The following OPTN variants were observed in gnomAD, a reference collection of about 807,000 sequenced individuals.
OPTN encodes optineurin, also known as E3-14.7K-interacting protein.
Under a neutral mutation model 70.4 loss-of-function variants are expected in OPTN, and 54 were observed. The ratio of observed to expected loss-of-function variants is 0.77; its 90% CI spans 0.62 to 0.96. OPTN has a LOEUF of 0.96. Among genes scored for constraint, OPTN ranks in the 40% least tolerant of loss-of-function variants. The probability of loss-of-function intolerance (pLI) is 0.00; values close to 1 mark genes in which losing one functional copy is unlikely to be tolerated. For missense variants in OPTN, 624 were observed against 673.2 expected, an observed-to-expected ratio of 0.93 and a Z score of 0.81; for synonymous variants, 256 against 248.5, an observed-to-expected ratio of 1.03 and a Z score of -0.28.
At chr10:13,115,400 A>G (rs1349698316) in intron 5 of OPTN, among the ~76,000 whole-genome samples, 1 of 107,410 alleles carries the variant, frequency 9.3e-6, no homozygotes, top group South Asian at 2.8e-4. Context: ...TAATAGATAT[A>G]TCTGTATTTA....
intron 2 of OPTN, 75 bp from the exon 3 acceptor site, chr10:13,109,037 T>G: frequency 1.5e-6 from 2 of 1,346,678 alleles, no homozygotes; most frequent in South Asian, 1.2e-5. Context: ...CAATCGCCAA[T>G]GGGTTTGTGG....
At chr10:13,125,684 T>A in intron 10 of OPTN, 117 bp downstream of exon 10, 2 of 1,250,504 alleles carry the variant, frequency 1.6e-6, no homozygotes, top group Non-Finnish European at 2.3e-6. Context: ...TTCACTTATC[T>A]GAAGGAGTCC....
At chr10:13,106,732 A>G (rs556520992) in intron 1 of OPTN, among the ~76,000 whole-genome samples, 1 of 152,212 alleles carries the variant, frequency 6.6e-6, no homozygotes, top group Non-Finnish European at 1.5e-5. Context: ...CAAGGACGCA[A>G]CACCACAGTG....
At chr10:13,104,791 C>T (rs1417321680) in intron 1 of OPTN, 7 of 540,258 alleles carry the variant, frequency 1.3e-5, no homozygotes, top group Non-Finnish European at 2.4e-5. Context: ...CTGGTTAGAA[C>T]ATGATGCTAT....
chr10:13,116,678 C>G (rs1051503356), intron 6 of OPTN: 10 of 380,794 alleles, frequency 2.6e-5, no homozygotes, highest in Non-Finnish European at 5.0e-5. Context: ...TCCCCGGTGC[C>G]ATTTGACCCA....
chr10:13,106,920 G>A (rs574494845), intron 1 of OPTN, among the ~76,000 whole-genome samples: 3 of 152,260 alleles, frequency 2.0e-5, no homozygotes, highest in African/African-American at 7.2e-5. Context: ...AGTGGCTGAT[G>A]GATCTCATTG....
At chr10:13,126,319 C>T (rs1053395303) in intron 11 of OPTN, among the ~76,000 whole-genome samples, 3 of 143,094 alleles carry the variant, frequency 2.1e-5, no homozygotes, top group African/African-American at 5.6e-5. Flanking sequence ...CTCGCTCTGT[C>T]GCCCAGGCTG....
At position 13,137,457 on chromosome 10, in the gene OPTN, C is replaced by T. The variant is rs1833724214; in HGVS notation, c.*591C>T. 8.6e-6 allele frequency: 2 copies of T among 231,590 alleles called. No homozygotes were observed. The highest frequency in any genetic ancestry group is 1.7e-5 in the Non-Finnish European group (2 of 116,674). 14.3% of individuals were successfully genotyped at this position (231,590 alleles called of 1,614,324 possible). On this transcript the variant is annotated 3_prime_UTR_variant, in exon 15 of 15. Coordinates refer to ENST00000378747, the MANE Select transcript of OPTN (RefSeq NM_001008212.2). ...TGTTTGGTTGATGCGAGCAGCTGCA[C>T]TGCTCATGCAGTTAGCTAGCATGTG...
Position 13,112,474 on chromosome 10 carries a change from C to T in OPTN, c.391C>T (p.Leu131Phe). ...CCAGGACCCCACTGATGACTCCAGGCTTCCCAGGGCCGAAGCGGAGCAGGA... is the reference window on the plus strand; with the variant it reads ...CCAGGACCCCACTGATGACTCCAGGTTTCCCAGGGCCGAAGCGGAGCAGGA... ...SSEDPTDDSR[L>F]PRAEAEQEKD... Residue 131 changes from leucine to phenylalanine, a missense_variant, in exon 5 of 15, where the codon CTT becomes TTT. Physicochemically the swap from Leu to Phe is conservative, Grantham distance 22. Transcript: ENST00000378747. The T allele has an allele frequency of 6.2e-7, 1 of 1,614,026 alleles. No homozygotes were observed. The highest frequency in any genetic ancestry group is 8.5e-7 in the Non-Finnish European group (1 of 1,180,020).
chr10:13,112,693 T>C (rs1266582417), intron 5 of OPTN, 58 bp downstream of exon 5: 22 of 1,513,876 alleles, frequency 1.5e-5, no homozygotes, highest in Non-Finnish European at 2.0e-5. Context: ...CCTGGAAAGA[T>C]GAAACAAATA....
In OPTN at chr10:13,124,429, T is replaced by G. The variant is rs7072394; in HGVS notation, c.998+319T>G. 0.023 allele frequency among the ~76,000 whole-genome samples: 3,428 copies of G among 152,256 alleles called. 112 individuals are homozygous for G. Among genetic ancestry groups the G allele is most frequent in the African/African-American group, 0.077 (3,205 of 41,546 alleles). On this transcript the variant is annotated intron_variant, in intron 9 of 14. Transcript: ENST00000378747. ...CTGACTTAAGCTGATGACATTGATGTGAGTAAGCATAAAGAAAGATGAAAA... is the reference window on the plus strand; with the variant it reads ...CTGACTTAAGCTGATGACATTGATGGGAGTAAGCATAAAGAAAGATGAAAA...
chr10:13,136,715 A>G, intron 14 of OPTN, 30 bp from the exon 15 acceptor site: 1 of 1,613,760 alleles, frequency 6.2e-7, no homozygotes, highest in Non-Finnish European at 8.5e-7. Flanking sequence ...TGCAAAATGG[A>G]ACTAATGGAA....
chr10:13,126,283 C>CCTTTTTTTTTT lies in OPTN; in HGVS notation c.1242+244_1242+245insCTTTTTTTTTT, dbSNP rs771767144. On this transcript the variant is annotated intron_variant, in intron 11 of 14. Transcript: ENST00000378747. ...GTCAGGGATTAAGCACTTCGTATTT[C>CCTTTTTTTTTT]TTTTTTTTTTTTTTTGAGACGGAGT... Among the ~76,000 whole-genome samples, 1,032 of 138,860 alleles carry CCTTTTTTTTTT rather than the reference C, an allele frequency of 7.4e-3. 52 individuals carry two copies. The highest frequency in any genetic ancestry group is 0.027 in the African/African-American group (979 of 36,542). 91.1% of individuals were successfully genotyped at this position (138,860 alleles called of 152,430 possible). A position where few individuals can be genotyped will look rare whatever the true frequency, so the allele number is the denominator to read the frequency against.
In OPTN at chr10:13,137,025, A is replaced by G. The variant is rs1206102670; in HGVS notation, c.*159A>G. ...CCGGGCACAGTGGCTCATGCCTGTA[A>G]TCCCAGCACTTTGGGAGGTCGAGGT... is the stretch of plus-strand genomic sequence containing the variant. On this transcript the variant is annotated 3_prime_UTR_variant, in exon 15 of 15. Transcript: ENST00000378747. 6 of 913,378 alleles carry G rather than the reference A, an allele frequency of 6.6e-6. No individual in the cohort carries two copies. The highest frequency in any genetic ancestry group is 5.5e-5 in the Admixed American group (3 of 54,128). The allele number at this position is 913,378 out of a possible 1,614,324, so 56.6% of individuals were successfully genotyped here.
chr10:13,131,622 C>T (rs1302756756), intron 12 of OPTN: 4 of 167,340 alleles, frequency 2.4e-5, no homozygotes, highest in Non-Finnish European at 3.9e-5. Flanking sequence ...GGACCTCACA[C>T]ATGTTTGGAA....
chr10:13,100,471 G>A (rs1264225078), intron 1 of OPTN, among the ~76,000 whole-genome samples, 169 bp downstream of exon 1: 1 of 152,226 alleles, frequency 6.6e-6, no homozygotes, highest in Non-Finnish European at 1.5e-5. Context: ...CGGCTGCCCT[G>A]GGAGGATCCC....
In OPTN at chr10:13,133,547, T is replaced by C. The variant is rs1164295979; in HGVS notation, c.1578T>C (p.Ser526=). 1 of 1,614,016 alleles carries C rather than the reference T, an allele frequency of 6.2e-7. No individual in the cohort carries two copies. Among genetic ancestry groups the C allele is most frequent in the African/African-American group, 1.3e-5 (1 of 74,906 alleles). The change falls in exon 14 of 15, where the codon AGT becomes AGC. Residue 526 remains serine (S), a synonymous_variant. Transcript: ENST00000378747. ...EMQSRHGART[S]DSDQQAYLVQ... ...AGAGTCGTCATGGGGCGAGAACAAGTGACTCTGACCAGCAGGCTTACCTTG... is the reference window on the plus strand; with the variant it reads ...AGAGTCGTCATGGGGCGAGAACAAGCGACTCTGACCAGCAGGCTTACCTTG...
In OPTN at chr10:13,133,590, C is replaced by T. The variant is rs763985749; in HGVS notation, c.1612+9C>T. The stretch of plus-strand genomic sequence containing the variant: ...TTACCTTGTTCAAAGAGGTGAGTCC[C>T]GTGTGATCCTGGATTTTCAGGAAAT... On this transcript the variant is annotated intron_variant, in intron 14 of 14. Coordinates refer to ENST00000378747, the MANE Select transcript of OPTN (RefSeq NM_001008212.2). The T allele has an allele frequency of 1.1e-5, 18 of 1,612,264 alleles. No homozygotes were observed. The highest frequency in any genetic ancestry group is 1.7e-5 in the Admixed American group (1 of 59,988).
chr10:13,112,422 G>A, intron 4 of OPTN, 31 bp from the exon 5 acceptor site: 1 of 1,608,638 alleles, frequency 6.2e-7, no homozygotes, highest in Non-Finnish European at 8.5e-7. Flanking sequence ...AGTTTGATCT[G>A]TTCATTCACT....
Sources: gnomAD v4.1 joint callset for allele counts (sites outside exome capture counted in the v4.1 genomes callset) on GRCh38, gnomAD v4.1.1 for gene constraint, MANE v1.5 for transcripts, NCBI Gene and HGNC (gene_info 2026-07-23, HGNC 2026-07-21) for gene names.